Variants in GNPAT observed in about 807,000 individuals in gnomAD.
The protein encoded by GNPAT is glyceronephosphate O-acyltransferase.
In GNPAT, 30 loss-of-function variants were observed where a neutral mutation model predicts 78.4. The ratio of observed to expected loss-of-function variants is 0.38; its 90% CI spans 0.29 to 0.52. GNPAT has a LOEUF of 0.52. Ranked by LOEUF, GNPAT falls within the 20% of genes least tolerant of loss-of-function variation. The pLI is 0.84. For missense variants in GNPAT, 714 were observed against 812.2 expected, an observed-to-expected ratio of 0.88 and a Z score of 1.47; for synonymous variants, 271 against 281.1, an observed-to-expected ratio of 0.96 and a Z score of 0.36.
chr1:231,272,131 A>G (rs1685586598), intron 10 of GNPAT, among the ~76,000 whole-genome samples, 181 bp from the exon 11 acceptor site: 3 of 152,268 alleles, frequency 2.0e-5, no homozygotes, highest in African/African-American at 7.2e-5. Context: ...GCTAGACCGT[A>G]GTTTGCTCTG....
intron 1 of GNPAT, among the ~76,000 whole-genome samples, chr1:231,242,020 T>C (rs1684626283): frequency 6.6e-6 from 1 of 152,246 alleles, no homozygotes; most frequent in Non-Finnish European, 1.5e-5. Context: ...TTTCCACAAA[T>C]CATTTTGGAG....
At chr1:231,271,387 C>T (rs1344898347) in intron 10 of GNPAT, among the ~76,000 whole-genome samples, 3 of 152,220 alleles carry the variant, frequency 2.0e-5, no homozygotes, top group Non-Finnish European at 4.4e-5. Flanking sequence ...TGAGTACTCC[C>T]GAGATGCATG....
In GNPAT at chr1:231,272,324, G is replaced by A. The variant is rs770510642; in HGVS notation, c.1535G>A (p.Ser512Asn). 2 of 1,576,946 alleles carry A rather than the reference G, an allele frequency of 1.3e-6. No individual in the cohort carries two copies. Among genetic ancestry groups the A allele is most frequent in the South Asian group, 1.1e-5 (1 of 90,202 alleles). Residue 512 changes from serine (S) to asparagine (N), a missense_variant, in exon 11 of 16, where the codon AGT becomes AAT. Ser to Asn is a conservative substitution (Grantham distance 46, BLOSUM62 1). Coordinates refer to ENST00000366647, the MANE Select transcript of GNPAT (RefSeq NM_014236.4). ...TPGFRKEDVY[S>N]CFRFLRDVFA... is the part of the protein sequence containing the mutation. ...CATTTATTTCCAGAGGATGTCTACAGTTGCTTTCGCTTCCTACGTGATGTT... is the reference window on the plus strand; with the variant it reads ...CATTTATTTCCAGAGGATGTCTACAATTGCTTTCGCTTCCTACGTGATGTT...
chr1:231,258,282 A>C (rs576700038), intron 2 of GNPAT: 1 of 152,260 alleles, frequency 6.6e-6, no homozygotes, highest in Non-Finnish European at 1.5e-5. Flanking sequence ...TCCTATAACC[A>C]GGTGTCTGGC....
chr1:231,247,552 G>T (rs1171952634), intron 1 of GNPAT, among the ~76,000 whole-genome samples: 2 of 152,216 alleles, frequency 1.3e-5, no homozygotes, highest in African/African-American at 2.4e-5. Context: ...ACAAGCTCTG[G>T]TTGATGGCTA....
At chr1:231,272,154 G>A (rs971662772) in intron 10 of GNPAT, among the ~76,000 whole-genome samples, 158 bp from the exon 11 acceptor site, 1 of 152,088 alleles carries the variant, frequency 6.6e-6, no homozygotes, top group Non-Finnish European at 1.5e-5. Flanking sequence ...GGTAAGATTT[G>A]GGTTTAATTT....
At chr1:231,251,230 A>G in intron 2 of GNPAT, 87 bp downstream of exon 2, 1 of 771,214 alleles carries the variant, frequency 1.3e-6, no homozygotes, top group South Asian at 1.7e-5. Flanking sequence ...ACTTTAATAT[A>G]TCCTTTTAGG....
chr1:231,274,240 G>A (rs1220771783), intron 12 of GNPAT, among the ~76,000 whole-genome samples, 178 bp downstream of exon 12: 2 of 152,294 alleles, frequency 1.3e-5, no homozygotes, highest in South Asian at 2.1e-4. Flanking sequence ...CTTGCTCCCC[G>A]CATTCAGGAG....
intron 3 of GNPAT, 94 bp from the exon 4 acceptor site, chr1:231,262,629 C>G: frequency 9.7e-7 from 1 of 1,027,276 alleles, no homozygotes; most frequent in Non-Finnish European, 1.5e-6. Flanking sequence ...GGTATTCCCT[C>G]TAAATATAGA....
intron 13 of GNPAT, 39 bp downstream of exon 13, chr1:231,275,359 G>C: frequency 6.4e-7 from 1 of 1,562,234 alleles, no homozygotes; most frequent in South Asian, 1.1e-5. Flanking sequence ...TCTTTTAGTT[G>C]AGAATAGAAA....
chr1:231,270,484 A>G (rs1685532024), intron 9 of GNPAT, among the ~76,000 whole-genome samples: 1 of 152,198 alleles, frequency 6.6e-6, no homozygotes, highest in African/African-American at 2.4e-5. Flanking sequence ...TCATTTTCAG[A>G]GTAGAAACTG....
intron 1 of GNPAT, among the ~76,000 whole-genome samples, chr1:231,245,770 G>A (rs1684730165): frequency 6.6e-6 from 1 of 152,142 alleles, no homozygotes; most frequent in South Asian, 2.1e-4. Flanking sequence ...GGGAGCTCGC[G>A]ACCAGCCTGA....
intron 2 of GNPAT, among the ~76,000 whole-genome samples, chr1:231,257,085 A>G (rs1215062597): frequency 6.6e-6 from 1 of 152,232 alleles, no homozygotes; most frequent in African/African-American, 2.4e-5. Context: ...GCCTAATTGC[A>G]TAGAGTAAGA....
intron 14 of GNPAT, 51 bp downstream of exon 14, chr1:231,275,549 G>T: frequency 9.8e-7 from 1 of 1,020,246 alleles, no homozygotes. Flanking sequence ...GGAAATGAAT[G>T]ACATTTGAGC....
chr1:231,251,833 C>T (rs991748995), intron 2 of GNPAT, among the ~76,000 whole-genome samples: 2 of 152,186 alleles, frequency 1.3e-5, no homozygotes, highest in African/African-American at 2.4e-5. Flanking sequence ...CAAGTTTCCT[C>T]ATCAATTAGA....
intron 9 of GNPAT, among the ~76,000 whole-genome samples, chr1:231,270,305 GGTGTGTGTGCATGT>G (rs1471489872): frequency 6.6e-6 from 1 of 152,034 alleles, no homozygotes; most frequent in East Asian, 1.9e-4. Flanking sequence ...CTAAGCAAGG[GGTGTGTGTGCATGT>G]GTGTGTGTGT....
At chr1:231,255,230 C>T (rs2102806911) in intron 2 of GNPAT, among the ~76,000 whole-genome samples, 1 of 152,164 alleles carries the variant, frequency 6.6e-6, no homozygotes, top group South Asian at 2.1e-4. Context: ...CTCCCTCATC[C>T]TCAGGAACTT....
chr1:231,245,862 G>T (rs375404426), intron 1 of GNPAT, among the ~76,000 whole-genome samples: 1 of 152,004 alleles, frequency 6.6e-6, no homozygotes, highest in Non-Finnish European at 1.5e-5. Flanking sequence ...CCAGCTACTC[G>T]GGAGGCTGAG....
chr1:231,241,565 C>T (rs1684606669), intron 1 of GNPAT, 109 bp downstream of exon 1: 5 of 833,934 alleles, frequency 6.0e-6, no homozygotes, highest in Non-Finnish European at 8.2e-6. Flanking sequence ...GAGCTGGCCC[C>T]TAGGCTCCCG....
Sources: gnomAD v4.1 joint callset for allele counts (sites outside exome capture counted in the v4.1 genomes callset) on GRCh38, gnomAD v4.1.1 for gene constraint, MANE v1.5 for transcripts, NCBI Gene and HGNC (gene_info 2026-07-23, HGNC 2026-07-21) for gene names.